Variants in PITPNM2 observed in about 807,000 individuals in gnomAD.
PITPNM2 encodes membrane-associated phosphatidylinositol transfer protein 2.
A neutral mutation model predicts 132.2 loss-of-function variants in PITPNM2; 35 were observed. That is an observed-to-expected ratio of 0.26 (90% CI 0.20 to 0.35). The LOEUF (loss-of-function observed/expected upper bound fraction) is 0.35, where lower values mean the gene tolerates loss of function less well. PITPNM2 is among the 10% of genes least tolerant of loss of function. PITPNM2 has a pLI of 1.00. For missense variants in PITPNM2, 1,332 were observed against 1,912.0 expected, an observed-to-expected ratio of 0.70 and a Z score of 5.66; for synonymous variants, 738 against 799.2, an observed-to-expected ratio of 0.92 and a Z score of 1.29.
At chr12:123,119,612 C>A (rs2137424655) in intron 1 of PITPNM2, among the ~76,000 whole-genome samples, 1 of 152,158 alleles carries the variant, frequency 6.6e-6, no homozygotes, top group East Asian at 1.9e-4. Context: ...CCCGCCTCGG[C>A]CTCCCAAAGT....
chr12:123,010,490 T>C (rs1201433586), intron 5 of PITPNM2, among the ~76,000 whole-genome samples: 2 of 152,092 alleles, frequency 1.3e-5, no homozygotes, highest in Non-Finnish European at 2.9e-5. Flanking sequence ...GGGAGATGAA[T>C]TTCCATGAAG....
chr12:123,067,956 G>A (rs2041483059), intron 2 of PITPNM2, among the ~76,000 whole-genome samples: 3 of 152,170 alleles, frequency 2.0e-5, no homozygotes, highest in African/African-American at 7.2e-5. Context: ...TGTTAGCAGG[G>A]CTGCAGCCCA....
intron 3 of PITPNM2, among the ~76,000 whole-genome samples, chr12:123,017,558 G>A (rs1252572349): frequency 2.0e-5 from 3 of 152,182 alleles, no homozygotes; most frequent in African/African-American, 7.2e-5. Flanking sequence ...AGAAAAACCT[G>A]TACACCAATG....
At chr12:123,104,822 C>A (rs2042662911) in intron 2 of PITPNM2, among the ~76,000 whole-genome samples, 1 of 152,086 alleles carries the variant, frequency 6.6e-6, no homozygotes, top group Non-Finnish European at 1.5e-5. Flanking sequence ...CAATTGTTTC[C>A]CCACAATCAC....
intron 8 of PITPNM2, 52 bp from the exon 9 acceptor site, chr12:123,001,210 T>C (rs747404612): frequency 1.4e-6 from 2 of 1,464,958 alleles, no homozygotes; most frequent in South Asian, 2.3e-5. Context: ...TGGGGAAGCC[T>C]GGCTTCCCGA....
At position 123,022,041 on chromosome 12, in the gene PITPNM2, C is replaced by T. The variant is rs188905977; in HGVS notation, c.79-7999G>A. On this transcript the variant is annotated intron_variant, in intron 3 of 25. Coordinates refer to ENST00000320201, the MANE Select transcript of PITPNM2 (RefSeq NM_020845.3). The surrounding 1 kb of genome is among the most constrained non-coding windows in gnomAD (Gnocchi z 4.9). ...CAGGGGAATCGCCATGGCTCCAAAG[C>T]CAGATGTCTCCATGGCTTCAAAGTT... Among the ~76,000 whole-genome samples, 431 of 152,282 alleles carry T rather than the reference C, an allele frequency of 2.8e-3. 1 individual carries two copies. In the Middle Eastern group the frequency reaches 0.031, roughly 11 times the overall value.
At position 123,108,348 on chromosome 12, in the gene PITPNM2, G is replaced by A. The variant is rs1016733919; in HGVS notation, c.-96+2037C>T. On this transcript the variant is annotated intron_variant, in intron 2 of 25. Transcript: ENST00000320201. This position sits in a 1 kb window ranked among gnomAD's most constrained non-coding sequence, Gnocchi z 4.4. ...CTGCACTCTGGAATGCAGTTGTTAAGAAGGAATAGAACCTCCTTCCTGTAA... is the reference window on the plus strand; with the variant it reads ...CTGCACTCTGGAATGCAGTTGTTAAAAAGGAATAGAACCTCCTTCCTGTAA... 2.0e-5 allele frequency among the ~76,000 whole-genome samples: 3 copies of A among 152,206 alleles called. No individual in the cohort carries two copies. The highest frequency in any genetic ancestry group is 7.2e-5 in the African/African-American group (3 of 41,452).
Position 123,122,830 on chromosome 12 carries a change from C to T in PITPNM2, c.-199-12342G>A, listed in dbSNP as rs137954474. ...CTTTGCGGTAGAAAAGGCTCTCACA[C>T]AGAAGGAGTTTTCTCCAGATTTTTA... On this transcript the variant is annotated intron_variant, in intron 1 of 25. Coordinates refer to ENST00000320201, the MANE Select transcript of PITPNM2 (RefSeq NM_020845.3). 3.9e-5 allele frequency among the ~76,000 whole-genome samples: 6 copies of T among 152,342 alleles called. No homozygotes were observed. The East Asian group carries it at 9.6e-4, about 24-fold the overall frequency.
chr12:122,996,494 C>G lies in PITPNM2; in HGVS notation c.1746G>C (p.Gln582His), dbSNP rs895010169. 4.3e-6 allele frequency: 7 copies of G among 1,613,150 alleles called. No individual in the cohort carries two copies. The highest frequency in any genetic ancestry group is 1.7e-5 in the Admixed American group (1 of 60,024). Residue 582 changes from glutamine to histidine, a missense_variant, in exon 13 of 26, where the codon CAG becomes CAC. By Grantham distance (24) the Gln-to-His change is conservative (BLOSUM62 0). Coordinates refer to ENST00000320201, the MANE Select transcript of PITPNM2 (RefSeq NM_020845.3). ...CCACGCTGCCCCGGCGGCTGCTGCT[C>G]TGACTCTCAGACACCGGCTGGTTAC... ...CYSNQPVSES[Q>H]SSSRRGSVVS...
intron 1 of PITPNM2, among the ~76,000 whole-genome samples, chr12:123,126,978 C>T (rs577620559): frequency 6.6e-6 from 1 of 152,342 alleles, no homozygotes; most frequent in Admixed American, 6.5e-5. Context: ...CGTCCAAACA[C>T]TGCCCTCAGC....
chr12:123,087,307 A>C (rs1349573892), intron 2 of PITPNM2: 2 of 151,550 alleles, frequency 1.3e-5, no homozygotes, highest in East Asian at 3.9e-4. Context: ...GCTGGAGTGC[A>C]GTGGCGCGAT....
At chr12:123,114,991 C>T (rs1031929155) in intron 1 of PITPNM2, among the ~76,000 whole-genome samples, 4 of 152,174 alleles carry the variant, frequency 2.6e-5, no homozygotes, top group Non-Finnish European at 5.9e-5. Context: ...GCAGTGGGGA[C>T]TCAGGGAAAG....
chr12:123,132,050 C>T (rs1291815405), intron 1 of PITPNM2, among the ~76,000 whole-genome samples: 1 of 152,178 alleles, frequency 6.6e-6, no homozygotes, highest in Non-Finnish European at 1.5e-5. Context: ...GTGCCCGATT[C>T]CCCCAGGACT....
chr12:123,144,108 C>T (rs2043562705), intron 1 of PITPNM2, among the ~76,000 whole-genome samples: 1 of 152,330 alleles, frequency 6.6e-6, no homozygotes, highest in Admixed American at 6.5e-5. Context: ...ATTTGAGTTG[C>T]CTGATGGCAC....
intron 2 of PITPNM2, chr12:123,075,700 G>A (rs914799032): frequency 5.3e-5 from 8 of 152,240 alleles, no homozygotes; most frequent in South Asian, 2.1e-4. Context: ...CGCCCCCTGC[G>A]GCTCCTTTCA....
intron 2 of PITPNM2, among the ~76,000 whole-genome samples, chr12:123,094,430 G>A (rs1282619636): frequency 6.6e-6 from 1 of 152,224 alleles, no homozygotes; most frequent in Non-Finnish European, 1.5e-5. Context: ...GCCAAGGCCT[G>A]TGATCCTGTG....
intron 1 of PITPNM2, among the ~76,000 whole-genome samples, chr12:123,148,842 G>T (rs960179262): frequency 1.3e-5 from 2 of 152,144 alleles, no homozygotes; most frequent in Admixed American, 6.5e-5. Flanking sequence ...GACTAGGGTG[G>T]TTCGAAAATC....
chr12:123,025,557 T>C (rs1009800182), intron 3 of PITPNM2, among the ~76,000 whole-genome samples: 2 of 151,822 alleles, frequency 1.3e-5, no homozygotes, highest in African/African-American at 4.8e-5. Flanking sequence ...CTCAGCCTCC[T>C]GAGTAGCTGG....
intron 3 of PITPNM2, among the ~76,000 whole-genome samples, chr12:123,033,731 G>A (rs1405742939): frequency 6.6e-6 from 1 of 152,108 alleles, no homozygotes; most frequent in Non-Finnish European, 1.5e-5. Context: ...CCCCTAAAAG[G>A]CCTGACCCCC....
Sources: allele counts gnomAD v4.1 joint callset (sites outside exome capture counted in the v4.1 genomes callset), GRCh38; gene constraint gnomAD v4.1.1; non-coding constraint Gnocchi (gnomAD v3.1); transcripts MANE v1.5; gene names NCBI Gene and HGNC (gene_info 2026-07-23, HGNC 2026-07-21).